The following SEMA5A variants were observed in gnomAD, a reference collection of about 807,000 sequenced individuals.
The protein encoded by SEMA5A is semaphorin-5A.
A neutral mutation model predicts 135.5 loss-of-function variants in SEMA5A; 55 were observed. That is an observed-to-expected ratio of 0.41 (90% CI 0.33 to 0.51). The LOEUF (loss-of-function observed/expected upper bound fraction) is 0.51, where lower values mean the gene tolerates loss of function less well. SEMA5A is among the 20% of genes least tolerant of loss of function. The pLI, the probability that SEMA5A is intolerant of heterozygous loss-of-function variation, is 0.37. For synonymous variants in SEMA5A, 580 were observed against 546.5 expected, an observed-to-expected ratio of 1.06 and a Z score of -0.85; for missense variants, 1,290 against 1,419.9, an observed-to-expected ratio of 0.91 and a Z score of 1.47.
At chr5:9,048,648 G>A (rs1462653450) in intron 21 of SEMA5A, among the ~76,000 whole-genome samples, 1 of 152,152 alleles carries the variant, frequency 6.6e-6, no homozygotes. Context: ...AAAAGCTGCT[G>A]AGTTCCAAAA....
chr5:9,505,957 C>T (rs893382275), intron 1 of SEMA5A, among the ~76,000 whole-genome samples: 3 of 152,100 alleles, frequency 2.0e-5, no homozygotes, highest in Non-Finnish European at 4.4e-5. Flanking sequence ...GAAACTAAAA[C>T]CATAAAGAAT....
At chr5:9,406,346 T>C (rs1756887222) in intron 2 of SEMA5A, among the ~76,000 whole-genome samples, 1 of 152,202 alleles carries the variant, frequency 6.6e-6, no homozygotes, top group Non-Finnish European at 1.5e-5. Context: ...CCTAGATTTA[T>C]TAAAAATTAC....
chr5:9,227,765 T>C (rs1179193462), intron 6 of SEMA5A, among the ~76,000 whole-genome samples: 1 of 152,092 alleles, frequency 6.6e-6, no homozygotes, highest in African/African-American at 2.4e-5. Flanking sequence ...TTAGTCAGGA[T>C]GGTCTTGATC....
At position 9,118,979 on chromosome 5, in the gene SEMA5A, C is replaced by G; in HGVS notation, c.1925+19G>C. On this transcript the variant is annotated intron_variant, in intron 15 of 22. Transcript: ENST00000382496. ...GTAAGCGTGAGGCTGGCGGTGCTGG[C>G]AGCAGGGTGGGCACGTACCTTTCCT... 2 of 1,608,718 alleles carry G rather than the reference C, an allele frequency of 1.2e-6. No homozygotes were observed. Among genetic ancestry groups the G allele is most frequent in the African/African-American group, 1.3e-5 (1 of 74,884 alleles).
intron 2 of SEMA5A, among the ~76,000 whole-genome samples, chr5:9,421,764 T>C (rs1757478739): frequency 6.6e-6 from 1 of 152,220 alleles, no homozygotes; most frequent in East Asian, 1.9e-4. Context: ...GAGCAATGGA[T>C]AGAACATTGT....
intron 1 of SEMA5A, among the ~76,000 whole-genome samples, chr5:9,531,098 A>T (rs1561326775): frequency 6.6e-6 from 1 of 151,780 alleles, no homozygotes; most frequent in African/African-American, 2.4e-5. Context: ...TCCCTAAAAA[A>T]CTCCAGGAAG....
At chr5:9,184,121 G>GTT (rs57657421) in intron 11 of SEMA5A, among the ~76,000 whole-genome samples, 7 of 150,352 alleles carry the variant, frequency 4.7e-5, no homozygotes, top group African/African-American at 1.5e-4. Flanking sequence ...GTGAGTGTCT[G>GTT]TTTTTTTTTA....
intron 16 of SEMA5A, among the ~76,000 whole-genome samples, chr5:9,100,647 C>T (rs1739576830): frequency 6.6e-6 from 1 of 152,172 alleles, no homozygotes; most frequent in Admixed American, 6.5e-5. Flanking sequence ...AAACCACCTG[C>T]CCTAAACCCC....
At chr5:9,237,931 T>C in intron 5 of SEMA5A, 41 bp from the exon 6 acceptor site, 3 of 1,580,974 alleles carry the variant, frequency 1.9e-6, no homozygotes, top group South Asian at 1.1e-5. Flanking sequence ...TGGTTTTGAC[T>C]AAATAAAAGG....
intron 8 of SEMA5A, among the ~76,000 whole-genome samples, chr5:9,213,861 G>T (rs1031167378): frequency 6.6e-6 from 1 of 152,168 alleles, no homozygotes; most frequent in African/African-American, 2.4e-5. Context: ...GGAGCACATA[G>T]ATGAGGACAG....
At chr5:9,408,060 T>C (rs915570561) in intron 2 of SEMA5A, among the ~76,000 whole-genome samples, 5 of 151,206 alleles carry the variant, frequency 3.3e-5, no homozygotes, top group African/African-American at 1.2e-4. Context: ...CCATCACCAC[T>C]ACCACCACAC....
Position 9,353,106 on chromosome 5 carries a change from GGAAA to G in SEMA5A, c.125-15298_125-15295del, listed in dbSNP as rs1561176846. ...AAGGAAAGGAAAGGAAGGAAGGAAA[GGAAA>G]GGAAAGGAAAGGAAAGGAAAGGAAA... is the stretch of plus-strand genomic sequence containing the variant. On this transcript the variant is annotated intron_variant, in intron 3 of 22. Transcript: ENST00000382496. Among the ~76,000 whole-genome samples the G allele has an allele frequency of 3.4e-4, 8 of 23,692 alleles. 1 individual carries two copies. The highest frequency in any genetic ancestry group is 1.7e-3 in the African/African-American group (8 of 4,828). The allele number at this position is 23,692 out of a possible 152,430, so 15.5% of individuals were successfully genotyped here. A position where few individuals can be genotyped will look rare whatever the true frequency, so the allele number is the denominator to read the frequency against.
At chr5:9,432,374 C>T (rs1757887466) in intron 2 of SEMA5A, among the ~76,000 whole-genome samples, 2 of 152,084 alleles carry the variant, frequency 1.3e-5, no homozygotes, top group African/African-American at 4.8e-5. Context: ...ATAGAGATGC[C>T]CTGAAAATAT....
chr5:9,381,981 T>TGTGTGTGTGC lies in SEMA5A; in HGVS notation c.-77-1959_-77-1958insGCACACACAC, dbSNP rs1411451751. Among the ~76,000 whole-genome samples, 269 of 99,918 alleles carry TGTGTGTGTGC rather than the reference T, an allele frequency of 2.7e-3. 1 individual carries two copies. Among genetic ancestry groups the TGTGTGTGTGC allele is most frequent in the Middle Eastern group, 0.023 (4 of 176 alleles). 65.6% of individuals were successfully genotyped at this position (99,918 alleles called of 152,430 possible). Reference sequence around the variant, plus strand: ...GTGTGTGTGTGTGTGTGTGTGTGTGTGCGCGCGCGCGCACATCAAGTTTCA... The same window carrying TGTGTGTGTGC: ...GTGTGTGTGTGTGTGTGTGTGTGTGTGTGTGTGTGCGCGCGCGCGCGCACATCAAGTTTCA... On this transcript the variant is annotated intron_variant, in intron 2 of 22. Coordinates refer to ENST00000382496, the MANE Select transcript of SEMA5A (RefSeq NM_003966.3).
At chr5:9,453,459 G>A (rs921505514) in intron 1 of SEMA5A, among the ~76,000 whole-genome samples, 1 of 152,080 alleles carries the variant, frequency 6.6e-6, no homozygotes, top group African/African-American at 2.4e-5. Flanking sequence ...CCAAGCATAG[G>A]GCTGCAGAAC....
chr5:9,081,295 T>C (rs1042710458), intron 16 of SEMA5A, among the ~76,000 whole-genome samples: 1 of 152,300 alleles, frequency 6.6e-6, no homozygotes, highest in East Asian at 1.9e-4. Flanking sequence ...GGGCACAGTT[T>C]GAATTTTCCC....
At chr5:9,495,038 C>G (rs1331765589) in intron 1 of SEMA5A, among the ~76,000 whole-genome samples, 1 of 152,004 alleles carries the variant, frequency 6.6e-6, no homozygotes, top group Non-Finnish European at 1.5e-5. Context: ...ATATTTGTAC[C>G]TATGTGCACA....
chr5:9,288,239 C>T (rs1237692653), intron 5 of SEMA5A, among the ~76,000 whole-genome samples: 1 of 152,170 alleles, frequency 6.6e-6, no homozygotes, highest in Admixed American at 6.5e-5. Flanking sequence ...GTGGAAGAGG[C>T]AAACACAAGA....
At chr5:9,461,936 G>T (rs1010236341) in intron 1 of SEMA5A, among the ~76,000 whole-genome samples, 2 of 152,108 alleles carry the variant, frequency 1.3e-5, no homozygotes, top group Non-Finnish European at 2.9e-5. Context: ...AGCCTTTCTA[G>T]CCAGAAAAAA....
Sources: allele counts gnomAD v4.1 joint callset (sites outside exome capture counted in the v4.1 genomes callset), GRCh38; gene constraint gnomAD v4.1.1; transcripts MANE v1.5; gene names NCBI Gene and HGNC (gene_info 2026-07-23, HGNC 2026-07-21).